OOEP: variants seen among roughly 807,000 people sequenced by gnomAD.
The protein encoded by OOEP is oocyte-expressed protein homolog.
In OOEP, 16 loss-of-function variants were observed where a neutral mutation model predicts 13.7. The ratio of observed to expected loss-of-function variants is 1.16; its 90% CI spans 0.79 to 1.77. The LOEUF is 1.77. Among genes scored for constraint, OOEP ranks in the 40% most tolerant of loss-of-function variants. The pLI is 0.00. For missense variants in OOEP, 195 were observed against 193.1 expected (o/e 1.01, Z -0.06); for synonymous variants, 89 against 77.1 (o/e 1.15, Z -0.81).
At chr6:73,392,290 CATTT>C (rs902793209) in intron 2 of OOEP, among the ~76,000 whole-genome samples, 7 of 152,160 alleles carry the variant, frequency 4.6e-5, no homozygotes, top group African/African-American at 7.2e-5. Flanking sequence ...AAATGCCTAT[CATTT>C]ATTTAATGTT....
At chr6:73,390,754 CTTTTTTTTTCT>C (rs1273244095) in intron 2 of OOEP, among the ~76,000 whole-genome samples, 1 of 143,574 alleles carries the variant, frequency 7.0e-6, no homozygotes, top group East Asian at 2.5e-4. Context: ...TTTTTTTTTT[CTTTTTTTTTCT>C]TTTTTTTGTA....
rs773498866 is a variant in OOEP, at chr6:73,369,743, G to C, written c.50C>G (p.Pro17Arg). 2 of 1,614,002 alleles carry C rather than the reference G, an allele frequency of 1.2e-6. No individual in the cohort carries two copies. Among genetic ancestry groups the C allele is most frequent in the South Asian group, 2.2e-5 (2 of 91,088 alleles). Residue 17 changes from proline to arginine, a missense_variant, in exon 1 of 3, where the codon CCG becomes CGG. Physicochemically the swap from Pro to Arg is moderately radical, Grantham distance 103. Transcript: ENST00000370359. ...ACGCAGCTGCTCCAGGGAGTGGGCC[G>C]GAGTCTGTTTGCCCCGCTGGGACTC... ...AAESQRGKQT[P>R]AHSLEQLRRL...
intron 2 of OOEP, among the ~76,000 whole-genome samples, chr6:73,393,590 C>T (rs1406160035): frequency 6.6e-6 from 1 of 152,148 alleles, no homozygotes. Context: ...CCTGTAATCC[C>T]TCAACTGTGT....
chr6:73,377,563 G>A (rs1244079799), intron 2 of OOEP, among the ~76,000 whole-genome samples: 1 of 152,200 alleles, frequency 6.6e-6, no homozygotes, highest in Non-Finnish European at 1.5e-5. Context: ...ATAGGTATTT[G>A]TGGCCTCAAA....
intron 2 of OOEP, among the ~76,000 whole-genome samples, chr6:73,374,932 T>G (rs1188892820): frequency 1.3e-5 from 2 of 152,150 alleles, no homozygotes; most frequent in Non-Finnish European, 2.9e-5. Flanking sequence ...TTCAAGCTAT[T>G]CTCCTGCCAC....
chr6:73,395,112 G>A (rs142414727), upstream of OOEP: 33 of 1,613,936 alleles, frequency 2.0e-5, no homozygotes, highest in Non-Finnish European at 2.8e-5. Context: ...AGGAACTGCC[G>A]CTGTGTTTTG....
chr6:73,369,535 G>C, intron 1 of OOEP, 68 bp downstream of exon 1: 2 of 1,547,038 alleles, frequency 1.3e-6, no homozygotes, highest in Non-Finnish European at 1.8e-6. Context: ...AGACTGTAGA[G>C]AGCTGCTCTG....
At chr6:73,394,917 C>G in exon 1 of OOEP, 1 of 1,614,184 alleles carries the variant, frequency 6.2e-7, no homozygotes, top group Non-Finnish European at 8.5e-7. Context: ...TGTCCCACCA[C>G]GGAGGAGCTC....
chr6:73,394,696 A>C (rs3734512), intron 1 of OOEP: 17,973 of 698,494 alleles, frequency 0.026, 1,287 homozygotes, highest in East Asian at 0.18. Context: ...TAAAACTGGG[A>C]AAGTCCCGCC....
At chr6:73,369,160 G>A (rs376471438) in intron 2 of OOEP, 46 bp downstream of exon 2, 3 of 1,555,490 alleles carry the variant, frequency 1.9e-6, no homozygotes, top group Non-Finnish European at 2.6e-6. Context: ...AGGCCAGTAT[G>A]GTCACTCGTG....
At chr6:73,380,066 C>T (rs1435684377) in intron 2 of OOEP, among the ~76,000 whole-genome samples, 1 of 152,124 alleles carries the variant, frequency 6.6e-6, no homozygotes, top group East Asian at 1.9e-4. Context: ...TTTGTAACAT[C>T]ACTCATTAGT....
At position 73,394,476 on chromosome 6, in the gene OOEP, C is replaced by T. The variant is rs935515654; in HGVS notation, c.-106G>A. On this transcript the variant is annotated 5_prime_UTR_variant, in exon 2 of 4. Coordinates refer to the OOEP transcript ENST00000370363. ...TTCAAGACCTGCCTGGGCAACACGG[C>T]GACACCCCGTCTCTATTTAAAAAGA... 11 of 665,184 alleles carry T rather than the reference C, an allele frequency of 1.7e-5. No homozygotes were observed. In the Admixed American group the frequency reaches 2.1e-4, roughly 13 times the overall value. The allele number at this position is 665,184 out of a possible 1,614,324, so 41.2% of individuals were successfully genotyped here. A position where few individuals can be genotyped will look rare whatever the true frequency, so the allele number is the denominator to read the frequency against.
chr6:73,380,498 C>T (rs921793896), intron 2 of OOEP, among the ~76,000 whole-genome samples: 1 of 152,018 alleles, frequency 6.6e-6, no homozygotes, highest in African/African-American at 2.4e-5. Flanking sequence ...GCGGCAGATC[C>T]ATACAATGAA....
rs1008098116 is a variant in OOEP at position 73,368,610 on chromosome 6, T to C, written c.*174A>G. ...GAAGATCTTAATGCTTTTGGCAAAA[T>C]AGCCATTTCTTTATTAGAATAGTTC... On this transcript the variant is annotated 3_prime_UTR_variant, in exon 3 of 3. Transcript: ENST00000370359. 1.8e-6 allele frequency: 1 copy of C among 557,090 alleles called. No individual in the cohort carries two copies. Among genetic ancestry groups the C allele is most frequent in the African/African-American group, 1.9e-5 (1 of 53,476 alleles). The allele number at this position is 557,090 out of a possible 1,614,324, so 34.5% of individuals were successfully genotyped here.
At chr6:73,369,131 G>A (rs1769002412) in intron 2 of OOEP, 75 bp downstream of exon 2, 1 of 1,447,446 alleles carries the variant, frequency 6.9e-7, no homozygotes, top group East Asian at 2.3e-5. Context: ...GTTAAGGGAG[G>A]ATGGAAGGAA....
chr6:73,372,825 A>G (rs1284017740), upstream of OOEP, among the ~76,000 whole-genome samples: 1 of 151,974 alleles, frequency 6.6e-6, no homozygotes, highest in Non-Finnish European at 1.5e-5. Context: ...CGAGATCAAA[A>G]TGGGAAAGCG....
intron 2 of OOEP, among the ~76,000 whole-genome samples, chr6:73,376,712 T>G (rs550203205): frequency 6.6e-6 from 1 of 151,458 alleles, no homozygotes; most frequent in Non-Finnish European, 1.5e-5. Context: ...AGTGCACTGG[T>G]GCGATCTCGG....
At chr6:73,387,103 T>TA (rs1769284342) in intron 2 of OOEP, among the ~76,000 whole-genome samples, 1 of 151,372 alleles carries the variant, frequency 6.6e-6, no homozygotes, top group African/African-American at 2.4e-5. Context: ...TTTGTTTATA[T>TA]ATGTATATAT....
At chr6:73,394,337 G>A in intron 2 of OOEP, 1 of 715,794 alleles carries the variant, frequency 1.4e-6, no homozygotes. Flanking sequence ...CCTTGTAACA[G>A]TGACTTACCT....
Sources: gnomAD v4.1 joint callset for allele counts (sites outside exome capture counted in the v4.1 genomes callset) on GRCh38, gnomAD v4.1.1 for gene constraint, MANE v1.5 for transcripts, NCBI Gene and HGNC (gene_info 2026-07-23, HGNC 2026-07-21) for gene names.